The following ABR variants were observed in gnomAD, a reference collection of about 807,000 sequenced individuals.
ABR encodes the protein active breakpoint cluster region-related protein.
Under a neutral mutation model 107.2 loss-of-function variants are expected in ABR, and 35 were observed. The observed-to-expected ratio is 0.33, with a 90% CI of 0.25 to 0.43. ABR has a LOEUF of 0.43. Ranked by LOEUF, ABR falls within the 20% of genes least tolerant of loss-of-function variation. The pLI, the probability that ABR is intolerant of heterozygous loss-of-function variation, is 1.00. For synonymous variants in ABR, 498 were observed against 462.0 expected (o/e 1.08, Z -1.00); for missense variants, 815 against 1,115.2 (o/e 0.73, Z 3.83).
Position 1,198,791 on chromosome 17 carries a change from A to G in ABR, c.838+30002T>C, listed in dbSNP as rs531614099. ...CCTGGGACTACAGTTGCCCACCACC[A>G]CACCTGGCAAATTTTTTTTTTTTTA... is the stretch of plus-strand genomic sequence containing the variant. On this transcript the variant is annotated intron_variant, in intron 1 of 22. Transcript: ENST00000574139. 5.0e-5 allele frequency among the ~76,000 whole-genome samples: 6 copies of G among 120,320 alleles called. 1 individual carries two copies. The highest frequency in any genetic ancestry group is 1.9e-4 in the African/African-American group (6 of 31,986). 78.9% of individuals were successfully genotyped at this position (120,320 alleles called of 152,430 possible). A position where few individuals can be genotyped will look rare whatever the true frequency, so the allele number is the denominator to read the frequency against.
At chr17:1,085,143 C>T (rs568642056) in intron 4 of ABR, among the ~76,000 whole-genome samples, 3 of 132,528 alleles carry the variant, frequency 2.3e-5, no homozygotes, top group Admixed American at 1.6e-4. Context: ...GATGGAGTCT[C>T]GCTCTGTCAC....
Position 1,179,774 on chromosome 17 carries a change from C to G in ABR, c.-47G>C. On this transcript the variant is annotated 5_prime_UTR_variant, in exon 1 of 23. Coordinates refer to ENST00000302538, the MANE Select transcript of ABR (RefSeq NM_021962.5). The surrounding 1 kb of genome is among the most constrained non-coding windows in gnomAD (Gnocchi z 4.9). ...GATCCGAAACCCGACCCTCATCGCG[C>G]AACAAAGGAGGGAGAGCGGGCGGGA... 1.9e-6 allele frequency: 1 copy of G among 525,302 alleles called. No individual in the cohort carries two copies. The highest frequency in any genetic ancestry group is 4.3e-5 in the East Asian group (1 of 23,504). The allele number at this position is 525,302 out of a possible 1,614,324, so 32.5% of individuals were successfully genotyped here. A position where few individuals can be genotyped will look rare whatever the true frequency, so the allele number is the denominator to read the frequency against.
At chr17:1,061,815 G>A (rs1280924073) in intron 10 of ABR, among the ~76,000 whole-genome samples, 1 of 152,186 alleles carries the variant, frequency 6.6e-6, no homozygotes, top group African/African-American at 2.4e-5. Flanking sequence ...CCAAAGTACT[G>A]GGATTACCGG....
chr17:1,090,458 G>A (rs2036945483), intron 4 of ABR, among the ~76,000 whole-genome samples: 1 of 152,170 alleles, frequency 6.6e-6, no homozygotes, highest in Non-Finnish European at 1.5e-5. Flanking sequence ...AGCTGTCCAG[G>A]TGAGGGCCAT....
intron 21 of ABR, among the ~76,000 whole-genome samples, chr17:1,008,081 T>C (rs1240780743): frequency 2.0e-5 from 3 of 151,250 alleles, no homozygotes; most frequent in Admixed American, 6.5e-5. Flanking sequence ...GGCTGCCTCC[T>C]ATGCCTCTCC....
intron 1 of ABR, among the ~76,000 whole-genome samples, chr17:1,164,701 C>T (rs1362551836): frequency 6.6e-6 from 1 of 152,176 alleles, no homozygotes; most frequent in Non-Finnish European, 1.5e-5. Context: ...GGGTCTCACT[C>T]TGTTGCCCAG....
Position 1,056,112 on chromosome 17 carries a change from G to A in ABR, c.1487-3C>T. On this transcript the variant is annotated splice_region_variant and splice_polypyrimidine_tract_variant and intron_variant, in intron 13 of 22. Transcript: ENST00000302538. ...ATAGAGTCCTGGAGACTCATCGTCT[G>A]CAAGAGAGAAAAGCCCCCAGGGCAG... 5 of 1,613,900 alleles carry A rather than the reference G, an allele frequency of 3.1e-6. No individual in the cohort carries two copies. Among genetic ancestry groups the A allele is most frequent in the African/African-American group, 1.3e-5 (1 of 75,054 alleles).
chr17:1,048,372 C>T (rs113027023), intron 16 of ABR, among the ~76,000 whole-genome samples: 2,306 of 152,074 alleles, frequency 0.015, 70 homozygotes, highest in African/African-American at 0.052. Context: ...GAGTGGGAGA[C>T]CCACACAGCT....
chr17:1,027,998 C>T lies in ABR; in HGVS notation c.1792-14834G>A, dbSNP rs1418401138. Among the ~76,000 whole-genome samples the T allele has an allele frequency of 1.3e-5, 2 of 152,028 alleles. No individual in the cohort carries two copies. Among genetic ancestry groups the T allele is most frequent in the Non-Finnish European group, 2.9e-5 (2 of 68,010 alleles). On this transcript the variant is annotated intron_variant, in intron 16 of 22. Transcript: ENST00000302538. The surrounding 1 kb of genome is among the most constrained non-coding windows in gnomAD (Gnocchi z 4.7). ...ACCTCTGGGGTGTGCACGTGGTCTGCACACCTGGTACCATCAAGAAGGAAT... is the reference window on the plus strand; with the variant it reads ...ACCTCTGGGGTGTGCACGTGGTCTGTACACCTGGTACCATCAAGAAGGAAT...
At chr17:1,203,157 A>G (rs2150722030) in intron 1 of ABR, among the ~76,000 whole-genome samples, 1 of 152,256 alleles carries the variant, frequency 6.6e-6, no homozygotes, top group Non-Finnish European at 1.5e-5. Context: ...GAGTGCTGGG[A>G]TGACAGGCGT....
At chr17:1,036,126 C>T (rs1423391157) in intron 16 of ABR, among the ~76,000 whole-genome samples, 2 of 152,102 alleles carry the variant, frequency 1.3e-5, no homozygotes, top group African/African-American at 2.4e-5. Flanking sequence ...CTTTTTCCCA[C>T]CAGAACGACG....
At chr17:1,195,466 CA>C (rs1340595485) in intron 1 of ABR, among the ~76,000 whole-genome samples, 6 of 151,892 alleles carry the variant, frequency 4.0e-5, no homozygotes, top group Non-Finnish European at 7.4e-5. Context: ...AGGCAGCCCC[CA>C]GCCCTGCCTG....
At chr17:1,178,234 C>A (rs1165480336) in intron 1 of ABR, among the ~76,000 whole-genome samples, 3 of 150,852 alleles carry the variant, frequency 2.0e-5, no homozygotes, top group Non-Finnish European at 3.0e-5. Context: ...ACTCCCCCCA[C>A]CCCCCCCATA....
chr17:1,165,450 G>A lies in ABR; in HGVS notation c.61+14217C>T, dbSNP rs116895791. On this transcript the variant is annotated intron_variant, in intron 1 of 22. Transcript: ENST00000302538. ...TGGCGCTGGGACCTGGAGACAAAAT[G>A]TCCAGGAGGAAACTCAGGAAGCTCC... 3.9e-3 allele frequency among the ~76,000 whole-genome samples: 590 copies of A among 152,376 alleles called. 5 individuals are homozygous for A. The highest frequency in any genetic ancestry group is 5.9e-3 in the Non-Finnish European group (403 of 68,034).
chr17:1,101,939 T>G (rs185479484), intron 2 of ABR, among the ~76,000 whole-genome samples: 18 of 152,092 alleles, frequency 1.2e-4, no homozygotes, highest in African/African-American at 4.1e-4. Context: ...TTCACCGTGT[T>G]AGCCAGGATG....
intron 1 of ABR, among the ~76,000 whole-genome samples, chr17:1,215,429 CG>C (rs1295535708): frequency 3.9e-5 from 6 of 152,188 alleles, no homozygotes; most frequent in East Asian, 1.9e-4. Flanking sequence ...TTGGTGGAGA[CG>C]GGGTTTCGCT....
chr17:1,136,711 T>C (rs761099791), intron 1 of ABR, among the ~76,000 whole-genome samples: 27 of 152,200 alleles, frequency 1.8e-4, no homozygotes, highest in Non-Finnish European at 2.4e-4. Flanking sequence ...CCTCTGCAGC[T>C]TCCTCACCTC....
intron 1 of ABR, among the ~76,000 whole-genome samples, chr17:1,208,203 G>C (rs2042833247): frequency 6.6e-6 from 1 of 152,126 alleles, no homozygotes; most frequent in South Asian, 2.1e-4. Flanking sequence ...ATGAGTCCCT[G>C]GGTGGAAAGG....
chr17:1,017,162 G>A (rs1047902520), intron 16 of ABR, among the ~76,000 whole-genome samples: 3 of 152,070 alleles, frequency 2.0e-5, no homozygotes, highest in Non-Finnish European at 2.9e-5. Context: ...CACGGGAAGC[G>A]TGAGGCCATC....
Sources: allele counts gnomAD v4.1 joint callset (sites outside exome capture counted in the v4.1 genomes callset), GRCh38; gene constraint gnomAD v4.1.1; non-coding constraint Gnocchi (gnomAD v3.1); transcripts MANE v1.5; gene names NCBI Gene and HGNC (gene_info 2026-07-23, HGNC 2026-07-21).